The following MAP2K1 variants were observed in gnomAD, a reference collection of about 807,000 sequenced individuals.
MAP2K1 encodes mitogen-activated protein kinase kinase 1.
MAP2K1 carries 16 observed loss-of-function variants against 46.3 expected under a neutral mutation model. That is an observed-to-expected ratio of 0.35 (90% confidence interval 0.23 to 0.52). The LOEUF is 0.52. Among genes scored for constraint, MAP2K1 ranks in the 20% least tolerant of loss-of-function variants. The pLI is 0.94. For synonymous variants in MAP2K1, 183 were observed against 185.6 expected (o/e 0.99, Z 0.11); for missense variants, 263 against 497.1 (o/e 0.53, Z 4.48).
At chr15:66,456,995 C>T (rs1239976518) in intron 5 of MAP2K1, among the ~76,000 whole-genome samples, 1 of 152,224 alleles carries the variant, frequency 6.6e-6, no homozygotes, top group African/African-American at 2.4e-5. Flanking sequence ...AAGCAGTTAA[C>T]ACAGGTGTGA....
intron 3 of MAP2K1, among the ~76,000 whole-genome samples, chr15:66,438,863 G>A (rs1208332727): frequency 2.6e-5 from 4 of 152,200 alleles, no homozygotes; most frequent in Non-Finnish European, 5.9e-5. Flanking sequence ...ACTCGATGGG[G>A]GAGGGTTAGG....
Position 66,490,601 on chromosome 15 carries a change from G to A in MAP2K1, c.1168G>A (p.Ala390Thr), listed in dbSNP as rs730880500. Residue 390 changes from alanine to threonine, a missense_variant, in exon 11 of 11, where the codon GCT becomes ACT. Physicochemically the swap from Ala to Thr is moderately conservative, Grantham distance 58 (BLOSUM62 0). Coordinates refer to ENST00000307102, the MANE Select transcript of MAP2K1 (RefSeq NM_002755.4). ...TAACCAGCCCAGCACACCAACCCAT[G>A]CTGCTGGCGTCTAAGTGTTTGGGAA... is the stretch of plus-strand genomic sequence containing the variant. ...GLNQPSTPTHAAGV is the reference protein window; with the variant it reads ...GLNQPSTPTHTAGV 1.7e-4 allele frequency: 271 copies of A among 1,613,920 alleles called. No homozygotes were observed. Among genetic ancestry groups the A allele is most frequent in the Non-Finnish European group, 2.2e-4 (259 of 1,179,936 alleles).
At chr15:66,402,889 G>T (rs62010183) in intron 1 of MAP2K1, among the ~76,000 whole-genome samples, 8,561 of 152,176 alleles carry the variant, frequency 0.056, 345 homozygotes, top group Middle Eastern at 0.11. Flanking sequence ...TAGCAGTTCT[G>T]GTGTCTCAGG....
At chr15:66,435,755 G>A (rs1315723276) in intron 2 of MAP2K1, among the ~76,000 whole-genome samples, 3 of 152,192 alleles carry the variant, frequency 2.0e-5, no homozygotes, top group Non-Finnish European at 4.4e-5. Flanking sequence ...AGCCTTCTGT[G>A]TGCTGTGGAA....
At chr15:66,388,201 G>A (rs1035899538) in intron 1 of MAP2K1, among the ~76,000 whole-genome samples, 11 of 151,598 alleles carry the variant, frequency 7.3e-5, no homozygotes, top group East Asian at 1.9e-4. Context: ...AGCTTCCAGC[G>A]TTGCTTACAA....
chr15:66,486,826 G>A (rs1381059751), intron 7 of MAP2K1, among the ~76,000 whole-genome samples: 1 of 152,178 alleles, frequency 6.6e-6, no homozygotes, highest in African/African-American at 2.4e-5. Context: ...TCTGAGGCTC[G>A]CCAGTGACTC....
At chr15:66,462,422 G>A (rs1391884658) in intron 5 of MAP2K1, among the ~76,000 whole-genome samples, 1 of 151,176 alleles carries the variant, frequency 6.6e-6, no homozygotes, top group East Asian at 1.9e-4. Context: ...GCTTGAACCC[G>A]GGAGGCGGAG....
intron 3 of MAP2K1, among the ~76,000 whole-genome samples, chr15:66,438,818 G>A (rs2140588898): frequency 6.6e-6 from 1 of 152,346 alleles, no homozygotes; most frequent in East Asian, 1.9e-4. Flanking sequence ...CTGAATGAGA[G>A]TGGCCAGGAT....
chr15:66,460,807 A>G (rs1868904181), intron 5 of MAP2K1, among the ~76,000 whole-genome samples: 1 of 152,160 alleles, frequency 6.6e-6, no homozygotes, highest in Non-Finnish European at 1.5e-5. Flanking sequence ...GTGAAGGGAC[A>G]GGATGGGGAC....
intron 8 of MAP2K1, chr15:66,488,767 T>TG (rs1460902803): frequency 4.4e-5 from 9 of 203,862 alleles, no homozygotes; most frequent in Admixed American, 2.7e-4. Context: ...CTATGCCTGG[T>TG]GGTTTGCACG....
chr15:66,487,401 G>A (rs1893077670), intron 8 of MAP2K1, 109 bp downstream of exon 8: 3 of 1,027,152 alleles, frequency 2.9e-6, no homozygotes, highest in Non-Finnish European at 4.6e-6. Flanking sequence ...CAGTTTGGGA[G>A]GCTGAGGCGG....
At chr15:66,396,990 C>T (rs893338756) in intron 1 of MAP2K1, among the ~76,000 whole-genome samples, 1 of 127,844 alleles carries the variant, frequency 7.8e-6, no homozygotes, top group Non-Finnish European at 1.6e-5. Flanking sequence ...TGGCCTGTAA[C>T]GCTTCTTTTT....
intron 1 of MAP2K1, among the ~76,000 whole-genome samples, chr15:66,432,803 T>C (rs2093478021): frequency 6.6e-6 from 1 of 152,216 alleles, no homozygotes. Context: ...GACATCTTAG[T>C]TCACCTGTCT....
At chr15:66,422,246 G>A (rs2093445522) in intron 1 of MAP2K1, among the ~76,000 whole-genome samples, 1 of 152,026 alleles carries the variant, frequency 6.6e-6, no homozygotes, top group South Asian at 2.1e-4. Context: ...TCCCCCATAG[G>A]TAATACAATA....
At chr15:66,435,941 A>G (rs1415729196) in intron 2 of MAP2K1, among the ~76,000 whole-genome samples, 1 of 152,150 alleles carries the variant, frequency 6.6e-6, no homozygotes, top group Non-Finnish European at 1.5e-5. Context: ...CTATCATAGC[A>G]TGTACTTGTA....
chr15:66,483,448 GGGAGTTACTAATCAA>G (rs1414513253), intron 6 of MAP2K1, among the ~76,000 whole-genome samples: 1 of 152,158 alleles, frequency 6.6e-6, no homozygotes, highest in African/African-American at 2.4e-5. Flanking sequence ...AACAGGCCCT[GGGAGTTACTAATCAA>G]GGGTTTAATG....
chr15:66,444,234 G>C (rs1253822286), intron 4 of MAP2K1, among the ~76,000 whole-genome samples: 3 of 143,134 alleles, frequency 2.1e-5, no homozygotes, highest in African/African-American at 7.9e-5. Context: ...GCAAAACTCT[G>C]TCTCAGAAAA....
At chr15:66,438,743 A>T (rs1488302488) in intron 3 of MAP2K1, among the ~76,000 whole-genome samples, 2 of 152,098 alleles carry the variant, frequency 1.3e-5, no homozygotes, top group African/African-American at 4.8e-5. Flanking sequence ...TGAGACTGGG[A>T]GGGGAAAATG....
chr15:66,412,004 C>T (rs1054455308), intron 1 of MAP2K1, among the ~76,000 whole-genome samples: 1 of 152,154 alleles, frequency 6.6e-6, no homozygotes, highest in Non-Finnish European at 1.5e-5. Context: ...GTTGTTTCCA[C>T]AATTTTGGTC....
Sources: gnomAD v4.1 joint callset for allele counts (sites outside exome capture counted in the v4.1 genomes callset) on GRCh38, gnomAD v4.1.1 for gene constraint, MANE v1.5 for transcripts, NCBI Gene and HGNC (gene_info 2026-07-23, HGNC 2026-07-21) for gene names.